The following FGF12 variants were observed in gnomAD, a reference collection of about 807,000 sequenced individuals.
FGF12 encodes fibroblast growth factor 12B.
FGF12 carries 14 observed loss-of-function variants against 23.6 expected under a neutral mutation model. The observed-to-expected ratio is 0.59, with a 90% CI of 0.39 to 0.93. The LOEUF is 0.93. Ranked by LOEUF, FGF12 falls within the 40% of genes least tolerant of loss-of-function variation. The pLI is 0.00. For synonymous variants in FGF12, 62 were observed against 77.3 expected, an observed-to-expected ratio of 0.80 and a Z score of 1.04; for missense variants, 175 against 217.8, an observed-to-expected ratio of 0.80 and a Z score of 1.24.
intron 2 of FGF12, among the ~76,000 whole-genome samples, chr3:192,651,034 T>C (rs1716197221): frequency 6.6e-6 from 1 of 152,214 alleles, no homozygotes; most frequent in Non-Finnish European, 1.5e-5. Context: ...AAAAAATAGT[T>C]TCCAGATGAA....
chr3:192,198,620 A>G (rs972198165), intron 4 of FGF12, among the ~76,000 whole-genome samples: 2 of 152,254 alleles, frequency 1.3e-5, no homozygotes, highest in African/African-American at 4.8e-5. Flanking sequence ...TATTAGAAAG[A>G]TTTCATGAAA....
intron 2 of FGF12, among the ~76,000 whole-genome samples, chr3:192,615,947 T>C (rs772482664): frequency 2.7e-5 from 4 of 148,284 alleles, no homozygotes; most frequent in Non-Finnish European, 6.0e-5. Context: ...TATCTACAAG[T>C]AATGGGATTA....
chr3:192,325,271 C>T (rs75831878), intron 4 of FGF12, among the ~76,000 whole-genome samples: 7,449 of 152,056 alleles, frequency 0.049, 526 homozygotes, highest in African/African-American at 0.16. Flanking sequence ...AATCCTTTTC[C>T]AAGTGCTATA....
chr3:192,586,282 G>C (rs1368229524), intron 2 of FGF12, among the ~76,000 whole-genome samples: 2 of 152,122 alleles, frequency 1.3e-5, no homozygotes, highest in Non-Finnish European at 2.9e-5. Flanking sequence ...CCCTACACTG[G>C]ATTTCTGCTC....
intron 3 of FGF12, among the ~76,000 whole-genome samples, chr3:192,351,054 G>T (rs915566438): frequency 2.0e-5 from 3 of 152,158 alleles, no homozygotes; most frequent in African/African-American, 4.8e-5. Context: ...ATTCACTACT[G>T]TGTTCCAATT....
chr3:192,341,092 G>A (rs913690796), intron 3 of FGF12, among the ~76,000 whole-genome samples: 1 of 151,992 alleles, frequency 6.6e-6, no homozygotes, highest in Non-Finnish European at 1.5e-5. Flanking sequence ...GAATACATAA[G>A]AAACTCCTAT....
intron 4 of FGF12, among the ~76,000 whole-genome samples, chr3:192,270,537 T>C (rs1386984406): frequency 6.6e-6 from 1 of 152,130 alleles, no homozygotes; most frequent in Non-Finnish European, 1.5e-5. Flanking sequence ...AATAAGATGT[T>C]AAGTACATTG....
rs569494124 is a variant in FGF12, at chr3:192,621,785, A to G, written c.13+105396T>C. ...GCTCTCAGAACCAGAAGGGGCCTCA[A>G]GAAATCTGGAAAGCTTGGCAAGACG... On this transcript the variant is annotated intron_variant, in intron 2 of 5. Transcript: ENST00000445105. Among the ~76,000 whole-genome samples, 7 of 151,820 alleles carry G rather than the reference A, an allele frequency of 4.6e-5. No homozygotes were observed. The South Asian group carries it at 1.5e-3, about 32-fold the overall frequency.
intron 2 of FGF12, among the ~76,000 whole-genome samples, chr3:192,574,921 A>C (rs571256634): frequency 5.3e-5 from 8 of 152,366 alleles, no homozygotes; most frequent in African/African-American, 1.9e-4. Context: ...AAACTGTGAG[A>C]TAATGAATAG....
At chr3:192,270,049 C>A in intron 4 of FGF12, among the ~76,000 whole-genome samples, 1 of 152,188 alleles carries the variant, frequency 6.6e-6, no homozygotes, top group East Asian at 1.9e-4. Context: ...TCATGGGCCA[C>A]AATTTCAATT....
At chr3:192,682,520 T>C (rs932390786) in intron 2 of FGF12, among the ~76,000 whole-genome samples, 10 of 152,224 alleles carry the variant, frequency 6.6e-5, no homozygotes, top group African/African-American at 2.2e-4. Context: ...CTAAGATTCA[T>C]TCCTCCTCAA....
intron 2 of FGF12, among the ~76,000 whole-genome samples, chr3:192,427,760 A>G (rs754779205): frequency 7.9e-5 from 12 of 152,188 alleles, no homozygotes; most frequent in African/African-American, 1.7e-4. Flanking sequence ...GAGAGCATCA[A>G]TGTCACTAAG....
At chr3:192,675,688 C>A (rs377244386) in intron 2 of FGF12, among the ~76,000 whole-genome samples, 14 of 152,194 alleles carry the variant, frequency 9.2e-5, no homozygotes, top group African/African-American at 3.1e-4. Context: ...GGTCACCTTA[C>A]AATATTTGAA....
chr3:192,270,718 G>A (rs1713377808), intron 4 of FGF12, among the ~76,000 whole-genome samples: 1 of 151,774 alleles, frequency 6.6e-6, no homozygotes, highest in South Asian at 2.1e-4. Flanking sequence ...GAAGAAAAAT[G>A]CTATGCTGAA....
At chr3:192,543,275 T>C (rs1725416896) in intron 2 of FGF12, among the ~76,000 whole-genome samples, 1 of 152,114 alleles carries the variant, frequency 6.6e-6, no homozygotes, top group African/African-American at 2.4e-5. Flanking sequence ...AGTTTCTGCC[T>C]GTGGCCACCC....
chr3:192,402,878 C>T (rs1189593739), intron 2 of FGF12, among the ~76,000 whole-genome samples: 1 of 152,070 alleles, frequency 6.6e-6, no homozygotes, highest in Non-Finnish European at 1.5e-5. Context: ...ATGTGGTGCA[C>T]CTTTCTTTAG....
intron 2 of FGF12, among the ~76,000 whole-genome samples, chr3:192,649,575 T>TAATA (rs1323506673): frequency 7.9e-5 from 12 of 152,248 alleles, no homozygotes; most frequent in African/African-American, 2.9e-4. Context: ...TATTATTTTT[T>TAATA]AATAGAGTCT....
chr3:192,467,294 G>A (rs1723038744), intron 2 of FGF12, among the ~76,000 whole-genome samples: 1 of 152,062 alleles, frequency 6.6e-6, no homozygotes, highest in South Asian at 2.1e-4. Context: ...TCCCTCTATG[G>A]GCATCAGTTT....
chr3:192,688,522 A>C (rs559351534), intron 2 of FGF12, among the ~76,000 whole-genome samples: 10 of 152,360 alleles, frequency 6.6e-5, no homozygotes, highest in South Asian at 4.1e-4. Flanking sequence ...ATAAACTTCT[A>C]ATAAGTGACC....
Sources: allele counts gnomAD v4.1 joint callset (sites outside exome capture counted in the v4.1 genomes callset), GRCh38; gene constraint gnomAD v4.1.1; transcripts MANE v1.5; gene names NCBI Gene and HGNC (gene_info 2026-07-23, HGNC 2026-07-21).